SRD5A1: variants seen among roughly 807,000 people sequenced by gnomAD.
The protein encoded by SRD5A1 is 3-oxo-5-alpha-steroid 4-dehydrogenase 1.
Under a neutral mutation model 28.2 loss-of-function variants are expected in SRD5A1, and 22 were observed. The observed-to-expected ratio is 0.78, with a 90% CI of 0.56 to 1.12. The LOEUF (loss-of-function observed/expected upper bound fraction) is 1.12, where lower values mean the gene tolerates loss of function less well. Ranked by LOEUF, SRD5A1 falls within the 50% of genes most tolerant of loss-of-function variation. SRD5A1 has a pLI of 0.00. For synonymous variants in SRD5A1, 151 were observed against 135.0 expected (o/e 1.12, Z -0.82); for missense variants, 300 against 346.7 (o/e 0.87, Z 1.07).
At position 6,634,350 on chromosome 5, in the gene SRD5A1, G is replaced by A. The variant is rs369378324; in HGVS notation, c.293+481G>A. ...TCAAAATTAAATATATAAAAATAAA[G>A]AGTTAAAAAGTAAAAATGTAAAATA... On this transcript the variant is annotated intron_variant, in intron 1 of 4. Coordinates refer to ENST00000274192, the MANE Select transcript of SRD5A1 (RefSeq NM_001047.4). Among the ~76,000 whole-genome samples the A allele has an allele frequency of 2.8e-5, 4 of 143,908 alleles. No individual in the cohort carries two copies. In the East Asian group the frequency reaches 8.5e-4, roughly 31 times the overall value. 94.4% of individuals were successfully genotyped at this position (143,908 alleles called of 152,430 possible). A position where few individuals can be genotyped will look rare whatever the true frequency, so the allele number is the denominator to read the frequency against.
At chr5:6,663,517 A>G (rs1210421395) in intron 4 of SRD5A1, among the ~76,000 whole-genome samples, 1 of 152,172 alleles carries the variant, frequency 6.6e-6, no homozygotes, top group Admixed American at 6.5e-5. Flanking sequence ...CTTGGCTTTT[A>G]TCTGATCCCC....
chr5:6,671,100 C>T lies in SRD5A1; in HGVS notation c.*2832C>T, dbSNP rs1331942794. ...TTCCACACTGTTTTCCATGGTGGCT[C>T]TAATAGTTTACATTCCCACCAGCAG... On this transcript the variant is annotated 3_prime_UTR_variant, in exon 5 of 5. Transcript: ENST00000274192. 6.6e-6 allele frequency: 1 copy of T among 152,158 alleles called. No homozygotes were observed. The allele number at this position is 152,158 out of a possible 1,614,324, so 9.4% of individuals were successfully genotyped here.
At position 6,668,186 on chromosome 5, in the gene SRD5A1, A is replaced by T. The variant is rs1739245263; in HGVS notation, c.714-16A>T. 6.7e-7 allele frequency: 1 copy of T among 1,500,666 alleles called. No homozygotes were observed. Among genetic ancestry groups the T allele is most frequent in the Non-Finnish European group, 9.1e-7 (1 of 1,102,044 alleles). The allele number at this position is 1,500,666 out of a possible 1,614,324, so 93.0% of individuals were successfully genotyped here. ...AAGCGACAGAATTATTTCCTTTTTTAATTTTTTTTTCTTAGGTGGTACCTC... is the reference window on the plus strand; with the variant it reads ...AAGCGACAGAATTATTTCCTTTTTTTATTTTTTTTTCTTAGGTGGTACCTC... On this transcript the variant is annotated splice_polypyrimidine_tract_variant and intron_variant, in intron 4 of 4. Transcript: ENST00000274192.
chr5:6,638,532 G>T (rs521293), intron 1 of SRD5A1, among the ~76,000 whole-genome samples: 25,830 of 152,170 alleles, frequency 0.17, 2,412 homozygotes, highest in East Asian at 0.23. Context: ...AAGTCAATTG[G>T]CAGTTTCTGA....
Position 6,671,912 on chromosome 5 carries a change from C to G in SRD5A1, c.*3644C>G. 1 of 152,318 alleles carries G rather than the reference C, an allele frequency of 6.6e-6. No individual in the cohort carries two copies. Among genetic ancestry groups the G allele is most frequent in the East Asian group, 1.9e-4 (1 of 5,214 alleles). 9.4% of individuals were successfully genotyped at this position (152,318 alleles called of 1,614,324 possible). ...GACATAAAGAGCTGCCTGCCCTCCC[C>G]TGTTCCCCTTGCCTTTTTGCAGCAG... On this transcript the variant is annotated 3_prime_UTR_variant, in exon 5 of 5. Transcript: ENST00000274192.
chr5:6,641,885 C>T (rs1414749344), intron 1 of SRD5A1, among the ~76,000 whole-genome samples: 4 of 152,180 alleles, frequency 2.6e-5, no homozygotes, highest in Non-Finnish European at 4.4e-5. Flanking sequence ...CACCAGTGCC[C>T]TGAGCAAGTT....
chr5:6,639,207 T>TG (rs1738288439), intron 1 of SRD5A1, among the ~76,000 whole-genome samples: 1 of 152,244 alleles, frequency 6.6e-6, no homozygotes, highest in Admixed American at 6.5e-5. Flanking sequence ...GCATAGAACT[T>TG]GCTTGCAAGA....
At position 6,651,871 on chromosome 5, in the gene SRD5A1, G is replaced by A. The variant is rs1189866262; in HGVS notation, c.323G>A (p.Gly108Glu). 2 of 1,612,102 alleles carry A rather than the reference G, an allele frequency of 1.2e-6. No homozygotes were observed. The highest frequency in any genetic ancestry group is 3.3e-5 in the Admixed American group (2 of 59,930). ...TTAATTTACCCATTTCTGATGCGAG[G>A]AGGAAAGCCTATGCCACTGTTGGCG... ...RCLIYPFLMR[G>E]GKPMPLLACT... is the part of the protein sequence containing the mutation. The change falls in exon 2 of 5, where the codon GGA becomes GAA. Residue 108 changes from glycine to glutamate, a missense_variant. Gly to Glu is a moderately conservative substitution (Grantham distance 98, BLOSUM62 -2). This residue lies in a region of SRD5A1 where 174 missense variants were observed against 160.9 expected (regional missense o/e 1.08). Transcript: ENST00000274192.
At chr5:6,636,834 G>A (rs1560992406) in intron 1 of SRD5A1, among the ~76,000 whole-genome samples, 1 of 152,134 alleles carries the variant, frequency 6.6e-6, no homozygotes, top group Non-Finnish European at 1.5e-5. Context: ...TTTGAGTTGA[G>A]GAGTAAAAGA....
At chr5:6,651,231 A>G (rs961867790) in intron 1 of SRD5A1, among the ~76,000 whole-genome samples, 3 of 152,214 alleles carry the variant, frequency 2.0e-5, no homozygotes, top group African/African-American at 7.2e-5. Context: ...AGGATAGTGG[A>G]AATCTTGAGA....
chr5:6,633,951 C>T (rs537495791), intron 1 of SRD5A1, 82 bp downstream of exon 1: 2 of 1,471,898 alleles, frequency 1.4e-6, no homozygotes, highest in East Asian at 2.4e-5. Context: ...CCGGTGCCCT[C>T]TCCCCGAAGC....
intron 4 of SRD5A1, among the ~76,000 whole-genome samples, chr5:6,663,547 T>G (rs1739073396): frequency 6.6e-6 from 1 of 152,176 alleles, no homozygotes; most frequent in Admixed American, 6.5e-5. Flanking sequence ...TGCGAGCCAT[T>G]TGACCAACAC....
At chr5:6,649,269 C>T (rs559586904) in intron 1 of SRD5A1, among the ~76,000 whole-genome samples, 1 of 152,346 alleles carries the variant, frequency 6.6e-6, no homozygotes, top group Middle Eastern at 3.4e-3. Context: ...AACCGCTGCT[C>T]TCTTCAGAGC....
In SRD5A1 at chr5:6,652,016, T is replaced by C. The variant is rs2307268; in HGVS notation, c.460+8T>C. The C allele has an allele frequency of 0.022, 34,644 of 1,610,630 alleles. 474 individuals are homozygous for C. Among genetic ancestry groups the C allele is most frequent in the Non-Finnish European group, 0.026 (30,335 of 1,177,320 alleles). On this transcript the variant is annotated splice_region_variant and intron_variant, in intron 2 of 4. Coordinates refer to ENST00000274192, the MANE Select transcript of SRD5A1 (RefSeq NM_001047.4). ...ATCCCCGTTTTCTAATAGGTGAGTG[T>C]CCACAGCAGTGAACTCCGCCTTGTT...
At chr5:6,661,394 C>CA (rs3996846) in intron 3 of SRD5A1, among the ~76,000 whole-genome samples, 86,650 of 128,336 alleles carry the variant, frequency 0.68, 30,057 homozygotes, top group African/African-American at 0.88. Context: ...TACAAAACTC[C>CA]AAAAAAAAAA....
chr5:6,666,248 C>G (rs760261570), intron 4 of SRD5A1, among the ~76,000 whole-genome samples: 1 of 151,960 alleles, frequency 6.6e-6, no homozygotes, highest in Non-Finnish European at 1.5e-5. Context: ...CCCAGGTTCA[C>G]GCCATTCTCC....
chr5:6,663,865 AAAAAG>A (rs2126552151), intron 4 of SRD5A1, among the ~76,000 whole-genome samples: 2 of 152,266 alleles, frequency 1.3e-5, no homozygotes, highest in African/African-American at 4.8e-5. Flanking sequence ...GTCTCAAAAA[AAAAAG>A]AAAAAAGGAA....
intron 1 of SRD5A1, chr5:6,644,714 A>C (rs1279436916): frequency 1.4e-5 from 5 of 368,336 alleles, no homozygotes; most frequent in Non-Finnish European, 2.7e-5. Context: ...GTCTGATCAC[A>C]AGACAAGATT....
At chr5:6,656,200 A>G in intron 3 of SRD5A1, 21 bp downstream of exon 3, 1 of 1,587,784 alleles carries the variant, frequency 6.3e-7, no homozygotes, top group African/African-American at 1.3e-5. Context: ...AAAGTGAAGA[A>G]TTTCTGTGAA....
Sources: gnomAD v4.1 joint callset for allele counts (sites outside exome capture counted in the v4.1 genomes callset) on GRCh38, gnomAD v4.1.1 for gene constraint, gnomAD v4.1.1 regional missense constraint, MANE v1.5 for transcripts, NCBI Gene and HGNC (gene_info 2026-07-23, HGNC 2026-07-21) for gene names.